PPP6C: variants seen among roughly 807,000 people sequenced by gnomAD.
PPP6C encodes the protein protein phosphatase 6 catalytic subunit.
A neutral mutation model predicts 39.8 loss-of-function variants in PPP6C; 11 were observed. The ratio of observed to expected loss-of-function variants is 0.28; its 90% CI spans 0.17 to 0.46. The LOEUF (loss-of-function observed/expected upper bound fraction) is 0.46. Among genes scored for constraint, PPP6C ranks in the 20% least tolerant of loss-of-function variants. The pLI is 1.00. For missense variants in PPP6C, 211 were observed against 373.9 expected (o/e 0.56, Z 3.59); for synonymous variants, 129 against 130.3 (o/e 0.99, Z 0.07).
At position 125,164,218 on chromosome 9, in the gene PPP6C, C is replaced by CTTT. The variant is rs10684647; in HGVS notation, c.172-3315_172-3313dup. 4.3e-3 allele frequency among the ~76,000 whole-genome samples: 324 copies of CTTT among 74,780 alleles called. 61 individuals carry two copies. Among genetic ancestry groups the CTTT allele is most frequent in the African/African-American group, 0.015 (280 of 18,348 alleles). The allele number at this position is 74,780 out of a possible 152,430, so 49.1% of individuals were successfully genotyped here. A position where few individuals can be genotyped will look rare whatever the true frequency, so the allele number is the denominator to read the frequency against. On this transcript the variant is annotated intron_variant, in intron 2 of 6. Coordinates refer to ENST00000373547, the MANE Select transcript of PPP6C (RefSeq NM_002721.5). ...CTACTCTATGTCTCTCCCTCACTCTCTTTTTTTTTTTTTTTTTTTTTTTTT... is the reference window on the plus strand; with the variant it reads ...CTACTCTATGTCTCTCCCTCACTCTCTTTTTTTTTTTTTTTTTTTTTTTTTTTT...
In PPP6C at chr9:125,189,557, G is replaced by A. The variant is rs762808145; in HGVS notation, c.75+87C>T. The A allele has an allele frequency of 6.0e-5, 95 of 1,592,358 alleles. 1 individual carries two copies. In the African/African-American group the frequency reaches 9.8e-4, roughly 17 times the overall value. ...GAGGCCCTCCACCGCGACTGGACTG[G>A]ATACCCGGCGGGGGTCCTGGAGAAA... is the stretch of plus-strand genomic sequence containing the variant. On this transcript the variant is annotated intron_variant, in intron 1 of 6. Coordinates refer to ENST00000373547, the MANE Select transcript of PPP6C (RefSeq NM_002721.5).
chr9:125,171,242 C>G, intron 1 of PPP6C, 62 bp from the exon 2 acceptor site: 1 of 1,323,190 alleles, frequency 7.6e-7, no homozygotes, highest in Non-Finnish European at 1.0e-6. Context: ...AGATAAAATA[C>G]CAAAAAAGAA....
chr9:125,171,990 C>A (rs10986607), intron 1 of PPP6C: 8,424 of 465,426 alleles, frequency 0.018, 496 homozygotes, highest in Admixed American at 0.12. Context: ...CCTAATGCAT[C>A]ATAGCCCAAA....
At chr9:125,185,648 C>T (rs1015810502) in intron 1 of PPP6C, among the ~76,000 whole-genome samples, 4 of 150,546 alleles carry the variant, frequency 2.7e-5, no homozygotes, top group Non-Finnish European at 4.4e-5. Flanking sequence ...GAGCTGAGAA[C>T]GTGCACCTGC....
chr9:125,178,727 A>G (rs1405012956), intron 1 of PPP6C, among the ~76,000 whole-genome samples: 1 of 152,178 alleles, frequency 6.6e-6, no homozygotes, highest in African/African-American at 2.4e-5. Flanking sequence ...ATTTCTGCAA[A>G]GCCACCCACG....
intron 1 of PPP6C, among the ~76,000 whole-genome samples, chr9:125,188,454 T>C (rs1829579617): frequency 6.6e-6 from 1 of 151,644 alleles, no homozygotes; most frequent in Non-Finnish European, 1.5e-5. Context: ...AAACCTAAGC[T>C]CTGATTTCAG....
intron 1 of PPP6C, chr9:125,188,932 C>G: frequency 3.9e-6 from 6 of 1,548,628 alleles, no homozygotes; most frequent in African/African-American, 1.4e-5. Flanking sequence ...CTTTAGAAAA[C>G]GAAGAAAATG....
intron 6 of PPP6C, among the ~76,000 whole-genome samples, chr9:125,153,096 A>T (rs1835991289): frequency 6.6e-6 from 1 of 151,714 alleles, no homozygotes; most frequent in Non-Finnish European, 1.5e-5. Context: ...AACACGGTGA[A>T]ATCCCATCTC....
rs1432129613 is a variant in PPP6C, at chr9:125,148,840, GTT to G, written c.*831_*832del. The G allele has an allele frequency of 6.6e-6, 1 of 152,072 alleles. No individual in the cohort carries two copies. The highest frequency in any genetic ancestry group is 2.4e-5 in the African/African-American group (1 of 41,422). 9.4% of individuals were successfully genotyped at this position (152,072 alleles called of 1,614,324 possible). ...ATGGCAGTTATGTTCTTTAGGCACAGTTTAGTGATTTTTTTCAAAAATAAATA... is the reference window on the plus strand; with the variant it reads ...ATGGCAGTTATGTTCTTTAGGCACAGTAGTGATTTTTTTCAAAAATAAATA... On this transcript the variant is annotated 3_prime_UTR_variant, in exon 7 of 7. Transcript: ENST00000373547.
In PPP6C at chr9:125,189,771, G is replaced by GGCTGTAGCA; in HGVS notation, c.-54_-53insTGCTACAGC. On this transcript the variant is annotated 5_prime_UTR_variant, in exon 1 of 7. Coordinates refer to ENST00000373547, the MANE Select transcript of PPP6C (RefSeq NM_002721.5). ...CGGCGGCGGCGGCTGTAGCAGCGGC[G>GGCTGTAGCA]GCGGCAGCGGCGGAGGCCGAAGCCG... The GGCTGTAGCA allele has an allele frequency of 1.3e-6, 2 of 1,536,726 alleles. No individual in the cohort carries two copies. Among genetic ancestry groups the GGCTGTAGCA allele is most frequent in the African/African-American group, 2.9e-5 (2 of 69,918 alleles).
At chr9:125,184,460 G>A (rs1829483023) in intron 1 of PPP6C, among the ~76,000 whole-genome samples, 1 of 151,858 alleles carries the variant, frequency 6.6e-6, no homozygotes, top group Admixed American at 6.6e-5. Context: ...TTGAGGCTGA[G>A]GCAGAAGGAT....
intron 1 of PPP6C, among the ~76,000 whole-genome samples, chr9:125,180,831 G>A (rs777731257): frequency 8.5e-5 from 13 of 152,160 alleles, no homozygotes; most frequent in Non-Finnish European, 1.8e-4. Context: ...CATACACTAT[G>A]TGCTAGCCTG....
At chr9:125,169,190 G>A (rs1457984169) in intron 2 of PPP6C, among the ~76,000 whole-genome samples, 1 of 152,210 alleles carries the variant, frequency 6.6e-6, no homozygotes, top group East Asian at 1.9e-4. Context: ...CTGTGTGTGA[G>A]TTTGGGCTAT....
chr9:125,179,202 C>T (rs1475044113), intron 1 of PPP6C, among the ~76,000 whole-genome samples: 11 of 103,908 alleles, frequency 1.1e-4, no homozygotes, highest in Admixed American at 8.1e-4. Flanking sequence ...GCAACAAGAG[C>T]GAAACTCCAT....
At position 125,148,661 on chromosome 9, in the gene PPP6C, T is replaced by C. The variant is rs1479645469; in HGVS notation, c.*1012A>G. On this transcript the variant is annotated 3_prime_UTR_variant, in exon 7 of 7. Coordinates refer to ENST00000373547, the MANE Select transcript of PPP6C (RefSeq NM_002721.5). ...TACAGCAAGAGAAGAATGATTCCTA[T>C]TGAAAAGCACATAGATTTTAGTTAA... 6.6e-6 allele frequency: 1 copy of C among 152,194 alleles called. No homozygotes were observed. Among genetic ancestry groups the C allele is most frequent in the African/African-American group, 2.4e-5 (1 of 41,468 alleles). The allele number at this position is 152,194 out of a possible 1,614,324, so 9.4% of individuals were successfully genotyped here.
In PPP6C at chr9:125,189,620, G is replaced by A. The variant is rs199638946; in HGVS notation, c.75+24C>T. 7.8e-5 allele frequency: 125 copies of A among 1,612,364 alleles called. 1 individual carries two copies. The African/African-American group carries it at 1.6e-3, about 21-fold the overall frequency. On this transcript the variant is annotated intron_variant, in intron 1 of 6. Coordinates refer to ENST00000373547, the MANE Select transcript of PPP6C (RefSeq NM_002721.5). ...CGGCGGGCGCCCCACAGCCGGAAGG[G>A]GCGAGCCCGCAAATAGGGCTCACCT...
chr9:125,171,306 A>G, intron 1 of PPP6C, 126 bp from the exon 2 acceptor site: 2 of 641,594 alleles, frequency 3.1e-6, no homozygotes, highest in South Asian at 2.8e-5. Context: ...ATAGGAAAGT[A>G]CCCTGTGATA....
At chr9:125,188,574 TCAG>T (rs1403257905) in intron 1 of PPP6C, among the ~76,000 whole-genome samples, 1 of 151,908 alleles carries the variant, frequency 6.6e-6, no homozygotes, top group Non-Finnish European at 1.5e-5. Context: ...TCACTTGAGG[TCAG>T]GAGTTCAAGA....
chr9:125,183,272 T>C (rs1388417330), intron 1 of PPP6C, among the ~76,000 whole-genome samples: 2 of 152,158 alleles, frequency 1.3e-5, no homozygotes, highest in African/African-American at 2.4e-5. Flanking sequence ...CAATCCATGG[T>C]CCACAATGCT....
Sources: allele counts gnomAD v4.1 joint callset (sites outside exome capture counted in the v4.1 genomes callset), GRCh38; gene constraint gnomAD v4.1.1; transcripts MANE v1.5; gene names NCBI Gene and HGNC (gene_info 2026-07-23, HGNC 2026-07-21).